The following SSR1 variants were observed in gnomAD, a reference collection of about 807,000 sequenced individuals.
The protein encoded by SSR1 is signal sequence receptor subunit 1.
Under a neutral mutation model 36.1 loss-of-function variants are expected in SSR1, and 13 were observed. That is an observed-to-expected ratio of 0.36 (90% CI 0.23 to 0.57). SSR1 has a LOEUF of 0.57. SSR1 is among the 20% of genes least tolerant of loss of function. The pLI is 0.81. For missense variants in SSR1, 291 were observed against 338.5 expected (o/e 0.86, Z 1.10); for synonymous variants, 113 against 118.9 (o/e 0.95, Z 0.32).
chr6:7,299,246 CG>C (rs1561832140), intron 4 of SSR1, among the ~76,000 whole-genome samples: 1 of 152,156 alleles, frequency 6.6e-6, no homozygotes, highest in African/African-American at 2.4e-5. Context: ...TGAGATAAAA[CG>C]TGCAGAAAGA....
intron 5 of SSR1, 103 bp from the exon 6 acceptor site, chr6:7,298,104 T>C: frequency 1.2e-6 from 1 of 863,418 alleles, no homozygotes; most frequent in African/African-American, 1.7e-5. Context: ...TCCAAATAAC[T>C]TGTGGCGAAA....
Position 7,286,916 on chromosome 6 carries a change from C to CAAAAAAAAAAAAA in SSR1, c.*2935_*2947dup, listed in dbSNP as rs55986029. 2.3e-5 allele frequency: 2 copies of CAAAAAAAAAAAAA among 87,890 alleles called. No individual in the cohort carries two copies. Among genetic ancestry groups the CAAAAAAAAAAAAA allele is most frequent in the African/African-American group, 4.5e-5 (1 of 22,010 alleles). The allele number at this position is 87,890 out of a possible 1,614,324, so 5.4% of individuals were successfully genotyped here. A position where few individuals can be genotyped will look rare whatever the true frequency, so the allele number is the denominator to read the frequency against. On this transcript the variant is annotated 3_prime_UTR_variant, in exon 8 of 8. Transcript: ENST00000244763. ...GACACAGAGACTCCGTCTCAGGGGG[C>CAAAAAAAAAAAAA]AAAAAAAAAAAAAAAAAAAAAAGTA... is the stretch of plus-strand genomic sequence containing the variant.
Position 7,295,405 on chromosome 6 carries a change from T to A in SSR1, c.780A>T (p.Thr260=). The A allele has an allele frequency of 6.2e-7, 1 of 1,611,058 alleles. No individual in the cohort carries two copies. Among genetic ancestry groups the A allele is most frequent in the Non-Finnish European group, 8.5e-7 (1 of 1,178,894 alleles). Residue 260 remains threonine, a synonymous_variant, in exon 7 of 8, where the codon ACA becomes ACT. Coordinates refer to ENST00000244763, the MANE Select transcript of SSR1 (RefSeq NM_003144.5). ...DVDMSWIPQE[T]LNQINKASPR... is the part of the protein sequence containing the mutation. ...AAGACTACTTACTGATTTGATTCAATGTTTCCTGAGGAATCCAACTCATGT... is the reference window on the plus strand; with the variant it reads ...AAGACTACTTACTGATTTGATTCAAAGTTTCCTGAGGAATCCAACTCATGT...
Position 7,310,007 on chromosome 6 carries a change from A to T in SSR1, c.102T>A (p.Asp34Glu). 2 of 1,613,636 alleles carry T rather than the reference A, an allele frequency of 1.2e-6. No individual in the cohort carries two copies. The highest frequency in any genetic ancestry group is 1.7e-6 in the Non-Finnish European group (2 of 1,179,724). Residue 34 changes from aspartate to glutamate, a missense_variant, in exon 2 of 8, where the codon GAT (aspartate) becomes GAA (glutamate). Coordinates refer to ENST00000244763, the MANE Select transcript of SSR1 (RefSeq NM_003144.5). Reference protein sequence around the residue: ...GPRGLLAVAQDLTEDEETVED... With the variant: ...GPRGLLAVAQELTEDEETVED... ...CTACTGTTTCTTCATCCTCTGTAAGATCTTGTGCCACTGCTAACAAGCCTA... is the reference window on the plus strand; with the variant it reads ...CTACTGTTTCTTCATCCTCTGTAAGTTCTTGTGCCACTGCTAACAAGCCTA...
rs143426830 is a variant in SSR1 at position 7,294,669 on chromosome 6, C to T, written c.793+723G>A. ...CCATGCCACTGCACTCCAGCCTGGG[C>T]GACAGAGCAAGATTCCATCTCAAAT... On this transcript the variant is annotated intron_variant, in intron 7 of 7. Transcript: ENST00000244763. 8.3e-4 allele frequency among the ~76,000 whole-genome samples: 126 copies of T among 150,970 alleles called. 2 individuals carry two copies. The East Asian group carries it at 0.017, about 21-fold the overall frequency.
chr6:7,306,882 A>G (rs138852392), intron 2 of SSR1, among the ~76,000 whole-genome samples: 13,362 of 132,914 alleles, frequency 0.1, 806 homozygotes, highest in Non-Finnish European at 0.15. Flanking sequence ...ACGCCACTGC[A>G]CTCCAGCCTG....
intron 7 of SSR1, among the ~76,000 whole-genome samples, chr6:7,293,177 T>TC (rs1757720510): frequency 1.3e-5 from 2 of 151,880 alleles, no homozygotes; most frequent in Non-Finnish European, 2.9e-5. Context: ...GATTTCCTTT[T>TC]TTTTTTTTTA....
chr6:7,306,852 C>T (rs959760556), intron 2 of SSR1, among the ~76,000 whole-genome samples: 2 of 140,448 alleles, frequency 1.4e-5, no homozygotes, highest in Non-Finnish European at 3.0e-5. Flanking sequence ...GGAGGTGGAG[C>T]TTGCAGTGAG....
chr6:7,305,068 G>C (rs1758025983), intron 2 of SSR1, among the ~76,000 whole-genome samples: 1 of 152,222 alleles, frequency 6.6e-6, no homozygotes, highest in Admixed American at 6.5e-5. Context: ...AAAGAGAACA[G>C]AGACAGAGAG....
chr6:7,291,499 C>T (rs9505122), intron 7 of SSR1, among the ~76,000 whole-genome samples: 56,218 of 151,962 alleles, frequency 0.37, 10,487 homozygotes, highest in South Asian at 0.43. Flanking sequence ...ACCCAGAAAA[C>T]TGCTCTCACT....
chr6:7,303,094 A>G (rs1021311061), intron 3 of SSR1, among the ~76,000 whole-genome samples: 10 of 142,876 alleles, frequency 7.0e-5, no homozygotes, highest in Non-Finnish European at 1.2e-4. Context: ...AGCCGAGATC[A>G]TACCACTGCA....
intron 1 of SSR1, among the ~76,000 whole-genome samples, chr6:7,310,634 G>T (rs78567152): frequency 1.3e-5 from 2 of 152,162 alleles, no homozygotes; most frequent in African/African-American, 2.4e-5. Context: ...ATTCTTGGCC[G>T]GCGCGGTGGC....
intron 2 of SSR1, among the ~76,000 whole-genome samples, chr6:7,306,864 G>T (rs187082400): frequency 5.3e-5 from 8 of 150,170 alleles, no homozygotes; most frequent in Admixed American, 5.3e-4. Flanking sequence ...TGCAGTGAGC[G>T]GAGATCCACG....
rs114401050 is a variant in SSR1, at chr6:7,292,807, A to G, written c.793+2585T>C. ...AAGACTCCTTCTCACCCAACCTTTC[A>G]AGACTCGGGTCTAGTGCTGACCTCC... On this transcript the variant is annotated intron_variant, in intron 7 of 7. Coordinates refer to ENST00000244763, the MANE Select transcript of SSR1 (RefSeq NM_003144.5). Among the ~76,000 whole-genome samples the G allele has an allele frequency of 2.1e-3, 327 of 152,284 alleles. 1 individual carries two copies. Among genetic ancestry groups the G allele is most frequent in the African/African-American group, 7.5e-3 (311 of 41,550 alleles).
chr6:7,293,628 A>T (rs1193953657), intron 7 of SSR1, among the ~76,000 whole-genome samples: 1 of 152,056 alleles, frequency 6.6e-6, no homozygotes, highest in African/African-American at 2.4e-5. Context: ...TGCCAAGGCT[A>T]GTCTCAAACT....
chr6:7,295,456 C>T lies in SSR1; in HGVS notation c.729G>A (p.Met243Ile). Reference sequence around the variant, plus strand: ...CAACATCATTCTGACTTGATGTACCCATTTCTACTTTCTGTATGGGTCTCT... The same window carrying T: ...CAACATCATTCTGACTTGATGTACCTATTTCTACTTTCTGTATGGGTCTCT... ...KRKRPIQKVE[M>I]GTSSQNDVDM... Residue 243 changes from methionine to isoleucine, a missense_variant, in exon 7 of 8, where the codon ATG (methionine) becomes ATA (isoleucine). Coordinates refer to ENST00000244763, the MANE Select transcript of SSR1 (RefSeq NM_003144.5). The T allele has an allele frequency of 6.2e-7, 1 of 1,610,608 alleles. No individual in the cohort carries two copies. The highest frequency in any genetic ancestry group is 8.5e-7 in the Non-Finnish European group (1 of 1,178,874).
At position 7,289,670 on chromosome 6, in the gene SSR1, C is replaced by A. The variant is rs564907493; in HGVS notation, c.*194G>T. The A allele has an allele frequency of 1.4e-3, 784 of 575,660 alleles. 4 individuals carry two copies. Among genetic ancestry groups the A allele is most frequent in the Middle Eastern group, 1.9e-3 (7 of 3,664 alleles). The allele number at this position is 575,660 out of a possible 1,614,324, so 35.7% of individuals were successfully genotyped here. On this transcript the variant is annotated 3_prime_UTR_variant, in exon 8 of 8. Coordinates refer to ENST00000244763, the MANE Select transcript of SSR1 (RefSeq NM_003144.5). Reference sequence around the variant, plus strand: ...TAGATTTTAATGGTTTAAAAAAAAACCAAATTTGTTACTTTAGAAAAATGA... The same window carrying A: ...TAGATTTTAATGGTTTAAAAAAAAAACAAATTTGTTACTTTAGAAAAATGA...
intron 1 of SSR1, among the ~76,000 whole-genome samples, chr6:7,312,404 T>G (rs2714354): frequency 5.3e-5 from 8 of 152,052 alleles, no homozygotes; most frequent in South Asian, 2.1e-4. Flanking sequence ...TTCTTCAGTC[T>G]GCTTGGCAGC....
At chr6:7,300,615 A>G (rs1436817180) in intron 4 of SSR1, among the ~76,000 whole-genome samples, 2 of 152,172 alleles carry the variant, frequency 1.3e-5, no homozygotes, top group Non-Finnish European at 2.9e-5. Context: ...AAGCAACAAA[A>G]GGAGGTACAA....
Sources: gnomAD v4.1 joint callset for allele counts (sites outside exome capture counted in the v4.1 genomes callset) on GRCh38, gnomAD v4.1.1 for gene constraint, MANE v1.5 for transcripts, NCBI Gene and HGNC (gene_info 2026-07-23, HGNC 2026-07-21) for gene names.